CACNA1D: variants seen among roughly 807,000 people sequenced by gnomAD.
The protein encoded by CACNA1D is calcium voltage-gated channel subunit alpha1 D.
CACNA1D carries 55 observed loss-of-function variants against 257.1 expected under a neutral mutation model. The ratio of observed to expected loss-of-function variants is 0.21; its 90% confidence interval spans 0.17 to 0.27. The LOEUF is 0.27. Among genes scored for constraint, CACNA1D ranks in the 10% least tolerant of loss-of-function variants. The probability of loss-of-function intolerance (pLI) is 1.00; values close to 1 mark genes in which losing one functional copy is unlikely to be tolerated. For synonymous variants in CACNA1D, 980 were observed against 1,014.9 expected (o/e 0.97, Z 0.65); for missense variants, 1,876 against 2,784.0 (o/e 0.67, Z 7.34).
intron 5 of CACNA1D, among the ~76,000 whole-genome samples, chr3:53,661,612 C>T (rs2094204478): frequency 6.6e-6 from 1 of 152,154 alleles, no homozygotes; most frequent in African/African-American, 2.4e-5. Flanking sequence ...ACAGCTTTTT[C>T]CCCCAAAGAG....
intron 3 of CACNA1D, among the ~76,000 whole-genome samples, chr3:53,518,472 A>G (rs1324930385): frequency 6.6e-6 from 1 of 152,058 alleles, no homozygotes; most frequent in East Asian, 1.9e-4. Flanking sequence ...TCTCTTTCCA[A>G]TGCAGGAACA....
At chr3:53,720,359 G>T (rs927702280) in intron 11 of CACNA1D, among the ~76,000 whole-genome samples, 3 of 152,114 alleles carry the variant, frequency 2.0e-5, no homozygotes, top group Admixed American at 6.5e-5. Flanking sequence ...GTTATGCAAA[G>T]GTTTCTTAAG....
chr3:53,808,378 C>G (rs2095578069), intron 45 of CACNA1D: 1 of 409,570 alleles, frequency 2.4e-6, no homozygotes, highest in Admixed American at 3.6e-5. Context: ...TGCGCCACTG[C>G]ACTCCAGCCT....
At position 53,789,724 on chromosome 3, in the gene CACNA1D, T is replaced by C. The variant is rs1339033954; in HGVS notation, c.4923+2772T>C. On this transcript the variant is annotated intron_variant, in intron 40 of 47. Transcript: ENST00000350061. This position sits in a 1 kb window ranked among gnomAD's most constrained non-coding sequence, Gnocchi z 4.2. ...GAGCGCAGAAGTGCGGACCTAGGCATGTGCGTGCTTGTGCTGCGTAGGGTG... is the reference window on the plus strand; with the variant it reads ...GAGCGCAGAAGTGCGGACCTAGGCACGTGCGTGCTTGTGCTGCGTAGGGTG... 2.6e-5 allele frequency among the ~76,000 whole-genome samples: 4 copies of C among 152,212 alleles called. No individual in the cohort carries two copies. The highest frequency in any genetic ancestry group is 9.7e-5 in the African/African-American group (4 of 41,448).
chr3:53,554,952 G>A (rs189155589), intron 3 of CACNA1D, among the ~76,000 whole-genome samples: 14 of 152,244 alleles, frequency 9.2e-5, no homozygotes, highest in Admixed American at 6.5e-4. Flanking sequence ...GACTTAATCA[G>A]AAACAACAAC....
At chr3:53,669,493 C>T (rs2108387783) in intron 7 of CACNA1D, among the ~76,000 whole-genome samples, 1 of 152,332 alleles carries the variant, frequency 6.6e-6, no homozygotes, top group East Asian at 1.9e-4. Context: ...ATTTCTGAAT[C>T]CTTTAGGCAC....
chr3:53,497,084 A>ATTTTTTT, intron 1 of CACNA1D, 68 bp from the exon 2 acceptor site: 1 of 1,259,174 alleles, frequency 7.9e-7, no homozygotes, highest in Admixed American at 1.9e-5. Context: ...ACAACCTTTG[A>ATTTTTTT]TTTTTTTCTC....
intron 26 of CACNA1D, among the ~76,000 whole-genome samples, chr3:53,748,624 C>A: frequency 6.6e-6 from 1 of 152,164 alleles, no homozygotes; most frequent in East Asian, 1.9e-4. Flanking sequence ...GTGACTGTGG[C>A]ACTTTGATAC....
intron 39 of CACNA1D, chr3:53,782,445 T>C (rs1340127714): frequency 2.0e-5 from 3 of 151,894 alleles, no homozygotes; most frequent in African/African-American, 4.8e-5. Context: ...GCCGGGCACG[T>C]GATGAGCCTT....
intron 8 of CACNA1D, among the ~76,000 whole-genome samples, chr3:53,693,222 C>A (rs577082484): frequency 1.5e-4 from 23 of 152,254 alleles, no homozygotes; most frequent in Admixed American, 5.2e-4. Context: ...CAGCTGTCTT[C>A]CCCCCACAGA....
chr3:53,500,271 A>C (rs984074832), intron 2 of CACNA1D, among the ~76,000 whole-genome samples: 9 of 149,558 alleles, frequency 6.0e-5, no homozygotes, highest in African/African-American at 2.2e-4. Flanking sequence ...AAAAAAAAAA[A>C]AAAAAAAAAA....
intron 6 of CACNA1D, among the ~76,000 whole-genome samples, chr3:53,666,058 A>G (rs1382291656): frequency 1.3e-5 from 2 of 151,806 alleles, no homozygotes; most frequent in African/African-American, 2.4e-5. Context: ...CCAAAGTAAA[A>G]ACATGAGGCA....
intron 3 of CACNA1D, among the ~76,000 whole-genome samples, chr3:53,576,350 C>T (rs1395685197): frequency 5.9e-5 from 9 of 152,088 alleles, no homozygotes; most frequent in South Asian, 4.2e-4. Flanking sequence ...TGTTATCCTC[C>T]GAAATTTTAA....
intron 4 of CACNA1D, among the ~76,000 whole-genome samples, chr3:53,659,144 C>T (rs534714319): frequency 2.6e-5 from 4 of 152,264 alleles, no homozygotes; most frequent in East Asian, 1.9e-4. Flanking sequence ...CTCTGAAAAA[C>T]GAGCAATAAT....
At chr3:53,502,221 CATG>C (rs2090636061) in intron 3 of CACNA1D, among the ~76,000 whole-genome samples, 1 of 151,762 alleles carries the variant, frequency 6.6e-6, no homozygotes, top group Non-Finnish European at 1.5e-5. Flanking sequence ...GAGAATAATA[CATG>C]ATATTATTGA....
intron 45 of CACNA1D, chr3:53,808,343 G>A: frequency 2.8e-6 from 1 of 351,834 alleles, no homozygotes; most frequent in East Asian, 7.2e-5. Context: ...GAACCCGGGA[G>A]GTGGAGCTTG....
intron 3 of CACNA1D, among the ~76,000 whole-genome samples, chr3:53,551,139 A>C (rs146151672): frequency 1.5e-3 from 229 of 152,346 alleles, no homozygotes; most frequent in African/African-American, 5.1e-3. Flanking sequence ...AGTGGAAGAA[A>C]TACATTTAGG....
At chr3:53,749,590 G>T in intron 27 of CACNA1D, 121 bp downstream of exon 27, 1 of 750,860 alleles carries the variant, frequency 1.3e-6, no homozygotes, top group Non-Finnish European at 2.4e-6. Flanking sequence ...CCTGGGGCTA[G>T]GGCCCTGTTC....
intron 30 of CACNA1D, among the ~76,000 whole-genome samples, chr3:53,767,346 C>T (rs1353476516): frequency 6.6e-6 from 1 of 152,124 alleles, no homozygotes; most frequent in Non-Finnish European, 1.5e-5. Context: ...AGGCAGATCA[C>T]CTGAGGTCAG....
Sources: gnomAD v4.1 joint callset for allele counts (sites outside exome capture counted in the v4.1 genomes callset) on GRCh38, gnomAD v4.1.1 for gene constraint, Gnocchi (gnomAD v3.1) non-coding constraint, MANE v1.5 for transcripts, NCBI Gene and HGNC (gene_info 2026-07-23, HGNC 2026-07-21) for gene names.